The following NUP188 variants were observed in gnomAD, a reference collection of about 807,000 sequenced individuals.
NUP188 encodes nucleoporin 188.
A neutral mutation model predicts 223.0 loss-of-function variants in NUP188; 97 were observed. The observed-to-expected ratio is 0.43, with a 90% CI of 0.37 to 0.51. NUP188 has a LOEUF of 0.51. NUP188 is among the 20% of genes least tolerant of loss of function. The pLI, the probability that NUP188 is intolerant of heterozygous loss-of-function variation, is 0.00. For missense variants in NUP188, 1,947 were observed against 2,175.6 expected (o/e 0.89, Z 2.09); for synonymous variants, 869 against 828.0 (o/e 1.05, Z -0.85).
chr9:128,991,736 A>AC (rs1842435490), intron 25 of NUP188, among the ~76,000 whole-genome samples: 2 of 148,930 alleles, frequency 1.3e-5, no homozygotes, highest in Admixed American at 6.7e-5. Context: ...CCAGGTACTC[A>AC]GTAGGCTGAG....
intron 5 of NUP188, among the ~76,000 whole-genome samples, chr9:128,957,538 C>T (rs1003498353): frequency 4.0e-5 from 6 of 151,864 alleles, no homozygotes; most frequent in Non-Finnish European, 7.4e-5. Context: ...GATCTTGGCT[C>T]ACTGGAAGCT....
intron 33 of NUP188, 131 bp downstream of exon 33, chr9:128,999,448 A>T: frequency 7.5e-7 from 1 of 1,330,046 alleles, no homozygotes; most frequent in Non-Finnish European, 1.0e-6. Flanking sequence ...TGGAATTCTT[A>T]CCCCAAGAAA....
chr9:128,998,077 G>A (rs1842561776), intron 30 of NUP188, 74 bp from the exon 31 acceptor site: 1 of 996,842 alleles, frequency 1.0e-6, no homozygotes, highest in Non-Finnish European at 1.6e-6. Flanking sequence ...TTGCCTAGCA[G>A]AGGACCCCAT....
At position 129,002,099 on chromosome 9, in the gene NUP188, G is replaced by A. The variant is rs189273007; in HGVS notation, c.4137+123G>A. Reference sequence around the variant, plus strand: ...CTAAATTGCCTAATACACTGATGGTGAGGAATCTTCCCTGCCCCCAGGCGG... The same window carrying A: ...CTAAATTGCCTAATACACTGATGGTAAGGAATCTTCCCTGCCCCCAGGCGG... On this transcript the variant is annotated intron_variant, in intron 36 of 43. Coordinates refer to ENST00000372577, the MANE Select transcript of NUP188 (RefSeq NM_015354.3). 19 of 747,304 alleles carry A rather than the reference G, an allele frequency of 2.5e-5. No individual in the cohort carries two copies. The East Asian group carries it at 4.5e-4, about 18-fold the overall frequency. The allele number at this position is 747,304 out of a possible 1,614,324, so 46.3% of individuals were successfully genotyped here.
At position 129,004,240 on chromosome 9, in the gene NUP188, G is replaced by A. The variant is rs1300033913; in HGVS notation, c.4434+786G>A. 5.7e-5 allele frequency among the ~76,000 whole-genome samples: 8 copies of A among 140,950 alleles called. No individual in the cohort carries two copies. The East Asian group carries it at 6.7e-4, about 12-fold the overall frequency. The allele number at this position is 140,950 out of a possible 152,430, so 92.5% of individuals were successfully genotyped here. A position where few individuals can be genotyped will look rare whatever the true frequency, so the allele number is the denominator to read the frequency against. On this transcript the variant is annotated intron_variant, in intron 38 of 43. Transcript: ENST00000372577. ...GGAGGTTGCAGTGAGCCGAGGTCACGCCACTGCACTCCAGCCTGGTGACAA... is the reference window on the plus strand; with the variant it reads ...GGAGGTTGCAGTGAGCCGAGGTCACACCACTGCACTCCAGCCTGGTGACAA...
chr9:128,984,640 C>G (rs1206405533), intron 19 of NUP188, among the ~76,000 whole-genome samples: 1 of 152,206 alleles, frequency 6.6e-6, no homozygotes, highest in Non-Finnish European at 1.5e-5. Flanking sequence ...CCTGAGCATT[C>G]TCGCCTTGCT....
chr9:129,006,136 T>G lies in NUP188; in HGVS notation c.4943+13T>G. 1 of 1,614,108 alleles carries G rather than the reference T, an allele frequency of 6.2e-7. No homozygotes were observed. Among genetic ancestry groups the G allele is most frequent in the Non-Finnish European group, 8.5e-7 (1 of 1,180,002 alleles). ...CCAGGACGTTAAAGTAAGTGCTCTT[T>G]CTGGGATTTGATAAGGGGCTGGGGC... On this transcript the variant is annotated intron_variant, in intron 42 of 43. Transcript: ENST00000372577.
intron 26 of NUP188, 48 bp downstream of exon 26, chr9:128,993,451 C>A: frequency 6.2e-7 from 1 of 1,612,200 alleles, no homozygotes; most frequent in Non-Finnish European, 8.5e-7. Context: ...CACTGGGAGG[C>A]AGATGCTGGG....
In NUP188 at chr9:128,949,204, G is replaced by A; in HGVS notation, c.48G>A (p.Leu16=). 6.2e-7 allele frequency: 1 copy of A among 1,613,344 alleles called. No homozygotes were observed. Among genetic ancestry groups the A allele is most frequent in the Non-Finnish European group, 8.5e-7 (1 of 1,179,394 alleles). ...CATTTTGCAGGAGCAGTAGAGAACTGTGGACTATTCTGCTTGGAAGGTCAG... is the reference window on the plus strand; with the variant it reads ...CATTTTGCAGGAGCAGTAGAGAACTATGGACTATTCTGCTTGGAAGGTCAG... ...GGPCVRSSRE[L]WTILLGRSAL... Residue 16 remains leucine (L), a synonymous_variant, in exon 2 of 44, where the codon CTG becomes CTA. Transcript: ENST00000372577.
In NUP188 at chr9:128,983,570, G is replaced by A; in HGVS notation, c.1961+20G>A. On this transcript the variant is annotated intron_variant, in intron 19 of 43. Coordinates refer to ENST00000372577, the MANE Select transcript of NUP188 (RefSeq NM_015354.3). ...GATTAGGTGAGCCAAGTCCTAGGGT[G>A]GTGGGCCATATTCCCTAGTGAGAAC... 3 of 1,576,262 alleles carry A rather than the reference G, an allele frequency of 1.9e-6. No homozygotes were observed. Among genetic ancestry groups the A allele is most frequent in the Non-Finnish European group, 2.6e-6 (3 of 1,146,198 alleles).
intron 25 of NUP188, among the ~76,000 whole-genome samples, chr9:128,991,029 A>G (rs1842417838): frequency 6.6e-6 from 1 of 151,904 alleles, no homozygotes; most frequent in Admixed American, 6.6e-5. Flanking sequence ...AGATAAAAGG[A>G]GAAAAAAGAC....
chr9:129,005,807 C>T, intron 41 of NUP188, 31 bp downstream of exon 41: 4 of 1,555,074 alleles, frequency 2.6e-6, no homozygotes, highest in Non-Finnish European at 2.6e-6. Flanking sequence ...ACTGTCCTCT[C>T]CCCCCGGCTC....
rs764677785 is a variant in NUP188, at chr9:129,006,383, G to A, written c.5073+15G>A. 1 of 1,614,176 alleles carries A rather than the reference G, an allele frequency of 6.2e-7. No homozygotes were observed. Among genetic ancestry groups the A allele is most frequent in the Non-Finnish European group, 8.5e-7 (1 of 1,180,028 alleles). ...GCTCTGAGTTGGTACGGATGGATAG[G>A]GATACGGAGGGCTGGACCAATAGGG... On this transcript the variant is annotated intron_variant, in intron 43 of 43. Coordinates refer to ENST00000372577, the MANE Select transcript of NUP188 (RefSeq NM_015354.3).
intron 12 of NUP188, among the ~76,000 whole-genome samples, chr9:128,974,703 C>G (rs1179987780): frequency 6.6e-6 from 1 of 151,866 alleles, no homozygotes; most frequent in African/African-American, 2.4e-5. Context: ...TTAACTTAAT[C>G]TACAGACATT....
intron 24 of NUP188, among the ~76,000 whole-genome samples, chr9:128,988,719 A>ATTTTTTTTTTTTTTTTTTTTTTTTT (rs528821221): frequency 1.4e-5 from 1 of 72,870 alleles, no homozygotes; most frequent in Non-Finnish European, 2.6e-5. Context: ...TAATTTTTTA[A>ATTTTTTTTTTTTTTTTTTTTTTTTT]TTTTTTTTTT....
At chr9:128,964,140 C>G (rs1465965040) in intron 8 of NUP188, 1 of 231,006 alleles carries the variant, frequency 4.3e-6, no homozygotes, top group East Asian at 1.6e-4. Flanking sequence ...TTGCATTTCC[C>G]TGATGACTAG....
chr9:128,963,732 C>T (rs899430690), intron 8 of NUP188, among the ~76,000 whole-genome samples: 7 of 151,246 alleles, frequency 4.6e-5, no homozygotes, highest in Non-Finnish European at 5.9e-5. Context: ...CCTTGAACTC[C>T]TGGATTCAAG....
At chr9:128,980,025 C>T (rs1381262526) in intron 13 of NUP188, among the ~76,000 whole-genome samples, 7 of 152,232 alleles carry the variant, frequency 4.6e-5, no homozygotes, top group African/African-American at 1.2e-4. Flanking sequence ...AGATTGTAAC[C>T]GTAGCCTATG....
At chr9:129,003,287 A>G (rs1217905948) in intron 37 of NUP188, 30 bp from the exon 38 acceptor site, 1 of 1,587,552 alleles carries the variant, frequency 6.3e-7, no homozygotes, top group Non-Finnish European at 8.5e-7. Context: ...AGCCATCCCC[A>G]TCTTTCCCTG....
Sources: allele counts gnomAD v4.1 joint callset (sites outside exome capture counted in the v4.1 genomes callset), GRCh38; gene constraint gnomAD v4.1.1; transcripts MANE v1.5; gene names NCBI Gene and HGNC (gene_info 2026-07-23, HGNC 2026-07-21).